Variants in SERPINB2 observed in about 807,000 individuals in gnomAD.
SERPINB2 encodes the protein plasminogen activator inhibitor 2.
Under a neutral mutation model 39.4 loss-of-function variants are expected in SERPINB2, and 28 were observed. That is an observed-to-expected ratio of 0.71 (90% CI 0.53 to 0.97). SERPINB2 has a LOEUF of 0.97. Ranked by LOEUF, SERPINB2 falls within the 50% of genes least tolerant of loss-of-function variation. SERPINB2 has a pLI of 0.00. For synonymous variants in SERPINB2, 209 were observed against 175.1 expected, an observed-to-expected ratio of 1.19 and a Z score of -1.53; for missense variants, 557 against 505.3, an observed-to-expected ratio of 1.10 and a Z score of -0.98.
In SERPINB2 at chr18:63,900,761, C is replaced by T. The variant is rs573188874; in HGVS notation, c.536-979C>T. On this transcript the variant is annotated intron_variant, in intron 5 of 7. Coordinates refer to ENST00000299502, the MANE Select transcript of SERPINB2 (RefSeq NM_002575.3). The stretch of plus-strand genomic sequence containing the variant: ...CCATTTTAGCTAGCCCTCAATTTGG[C>T]CTGGTGTCTAAAACCTGCCTCCAGA... Among the ~76,000 whole-genome samples, 8 of 152,158 alleles carry T rather than the reference C, an allele frequency of 5.3e-5. No individual in the cohort carries two copies. In the South Asian group the frequency reaches 1.7e-3, roughly 32 times the overall value.
chr18:63,902,702 G>A (rs2050000555), intron 7 of SERPINB2, 134 bp downstream of exon 7: 4 of 1,057,406 alleles, frequency 3.8e-6, no homozygotes, highest in Admixed American at 2.6e-5. Context: ...AATATGGCAT[G>A]CCTCTACATT....
chr18:63,900,196 G>A (rs544679120), intron 5 of SERPINB2, among the ~76,000 whole-genome samples: 11 of 152,198 alleles, frequency 7.2e-5, no homozygotes, highest in Non-Finnish European at 1.6e-4. Flanking sequence ...AAGAATTGGA[G>A]AGAATTGTCT....
At chr18:63,897,393 C>T (rs1005022310) in intron 4 of SERPINB2, among the ~76,000 whole-genome samples, 174 bp downstream of exon 4, 9 of 152,194 alleles carry the variant, frequency 5.9e-5, no homozygotes, top group African/African-American at 2.2e-4. Context: ...GGGCTTCCTC[C>T]TCTTCCCATT....
At position 63,903,419 on chromosome 18, in the gene SERPINB2, GAAC is replaced by G. The variant is rs2050007704; in HGVS notation, c.*118_*120del. The G allele has an allele frequency of 2.0e-6, 2 of 1,024,320 alleles. No individual in the cohort carries two copies. The highest frequency in any genetic ancestry group is 3.3e-5 in the African/African-American group (2 of 59,902). The allele number at this position is 1,024,320 out of a possible 1,614,324, so 63.5% of individuals were successfully genotyped here. A position where few individuals can be genotyped will look rare whatever the true frequency, so the allele number is the denominator to read the frequency against. On this transcript the variant is annotated 3_prime_UTR_variant, in exon 8 of 8. Transcript: ENST00000299502. ...GTTTTCTACATATTTCTGCTCTTCT[GAAC>G]AACTTCTGCTACCCACTAAATAAAA...
intron 5 of SERPINB2, among the ~76,000 whole-genome samples, chr18:63,900,799 C>T (rs2049986808): frequency 1.3e-5 from 2 of 152,208 alleles, no homozygotes; most frequent in South Asian, 4.1e-4. Flanking sequence ...CAGGTCCCAC[C>T]TCCTACTTCA....
chr18:63,895,625 T>C (rs1192185518), intron 3 of SERPINB2, among the ~76,000 whole-genome samples: 1 of 152,224 alleles, frequency 6.6e-6, no homozygotes, highest in Non-Finnish European at 1.5e-5. Context: ...CTAAATTCTC[T>C]CATGCCTCTC....
At chr18:63,897,315 G>A in intron 4 of SERPINB2, 96 bp downstream of exon 4, 1 of 1,452,872 alleles carries the variant, frequency 6.9e-7, no homozygotes, top group South Asian at 1.4e-5. Context: ...CATAAAAGCA[G>A]AGTTGGAATT....
At chr18:63,899,795 A>C (rs2144704841) in intron 5 of SERPINB2, among the ~76,000 whole-genome samples, 1 of 152,292 alleles carries the variant, frequency 6.6e-6, no homozygotes, top group Non-Finnish European at 1.5e-5. Context: ...TGTTTCAAGA[A>C]ATAGTTTGGT....
chr18:63,891,544 A>G lies in SERPINB2; in HGVS notation c.100A>G (p.Ser34Gly). The G allele has an allele frequency of 6.2e-7, 1 of 1,614,090 alleles. No individual in the cohort carries two copies. Among genetic ancestry groups the G allele is most frequent in the Non-Finnish European group, 8.5e-7 (1 of 1,179,986 alleles). The stretch of plus-strand genomic sequence containing the variant: ...CCAGAACCTCTTCCTCTCCCCATGG[A>G]GCATCTCGTCCACCATGGCCATGGT... ...PTQNLFLSPW[S>G]ISSTMAMVYM... is the part of the protein sequence containing the mutation. Residue 34 changes from serine to glycine, a missense_variant, in exon 2 of 8, where the codon AGC becomes GGC. Transcript: ENST00000299502.
intron 2 of SERPINB2, among the ~76,000 whole-genome samples, chr18:63,895,021 T>G (rs2049949975): frequency 1.3e-5 from 2 of 152,222 alleles, no homozygotes; most frequent in Admixed American, 6.5e-5. Context: ...ACAATTTGTT[T>G]TCCAAAATGG....
chr18:63,889,317 ATCCAGGAAAATTTGCT>A (rs1194687184), intron 1 of SERPINB2, among the ~76,000 whole-genome samples: 2 of 152,184 alleles, frequency 1.3e-5, no homozygotes, highest in Admixed American at 6.6e-5. Flanking sequence ...AAGTAAATGC[ATCCAGGAAAATTTGCT>A]TCTGTTCTTA....
Position 63,897,242 on chromosome 18 carries a change from A to G in SERPINB2, c.417+23A>G, listed in dbSNP as rs757441518. 5 of 1,604,070 alleles carry G rather than the reference A, an allele frequency of 3.1e-6. No individual in the cohort carries two copies. In the South Asian group the frequency reaches 5.6e-5, roughly 18 times the overall value. The stretch of plus-strand genomic sequence containing the variant: ...GAAGTAAGTGAAACCTGTAATTGAA[A>G]TGGCTGGATCCCAAACAAGTAATGA... On this transcript the variant is annotated intron_variant, in intron 4 of 7. Transcript: ENST00000299502.
chr18:63,893,581 A>T (rs1599058682), intron 2 of SERPINB2, among the ~76,000 whole-genome samples: 1 of 152,212 alleles, frequency 6.6e-6, no homozygotes, highest in Non-Finnish European at 1.5e-5. Flanking sequence ...GACTTTGGGG[A>T]CAGACGTATC....
At chr18:63,897,623 ACC>A in intron 4 of SERPINB2, 102 bp from the exon 5 acceptor site, 1 of 873,832 alleles carries the variant, frequency 1.1e-6, no homozygotes, top group South Asian at 1.4e-5. Flanking sequence ...CTCCCACCCT[ACC>A]CCAGGTCTCC....
rs1193560801 is a variant in SERPINB2 at position 63,903,851 on chromosome 18, G to A, written c.*546G>A. 1.3e-5 allele frequency: 2 copies of A among 152,006 alleles called. No individual in the cohort carries two copies. The highest frequency in any genetic ancestry group is 1.3e-4 in the Admixed American group (2 of 15,250). 9.4% of individuals were successfully genotyped at this position (152,006 alleles called of 1,614,324 possible). A position where few individuals can be genotyped will look rare whatever the true frequency, so the allele number is the denominator to read the frequency against. On this transcript the variant is annotated 3_prime_UTR_variant, in exon 8 of 8. Transcript: ENST00000299502. The stretch of plus-strand genomic sequence containing the variant: ...ATATGTCTGTATCTTATATTCAATT[G>A]CAAGTATATAATAAATAAACCTGCT...
At chr18:63,897,557 CA>C (rs940879769) in intron 4 of SERPINB2, among the ~76,000 whole-genome samples, 169 bp from the exon 5 acceptor site, 5 of 152,118 alleles carry the variant, frequency 3.3e-5, no homozygotes, top group African/African-American at 1.2e-4. Context: ...TAAGCGTGGA[CA>C]AAGGGGTCTG....
In SERPINB2 at chr18:63,902,131, G is replaced by A. The variant is rs377666593; in HGVS notation, c.678+249G>A. ...GGCTGTAAATATTGAGACATGGCAC[G>A]GTTCCTGGCCCATAGTAAGAACTAA... On this transcript the variant is annotated intron_variant, in intron 6 of 7. Transcript: ENST00000299502. Among the ~76,000 whole-genome samples, 16 of 152,038 alleles carry A rather than the reference G, an allele frequency of 1.1e-4. 1 individual carries two copies. Among genetic ancestry groups the A allele is most frequent in the Admixed American group, 7.2e-4 (11 of 15,244 alleles).
chr18:63,903,303 T>A lies in SERPINB2; in HGVS notation c.1246T>A (p.Ter416LysextTer2). 1 of 1,504,462 alleles carries A rather than the reference T, an allele frequency of 6.6e-7. No individual in the cohort carries two copies. The highest frequency in any genetic ancestry group is 2.3e-5 in the East Asian group (1 of 42,764). 93.2% of individuals were successfully genotyped at this position (1,504,462 alleles called of 1,614,324 possible). Residue 416 changes from the stop codon to lysine, a stop_lost, in exon 8 of 8, where the codon TAA becomes AAA. Transcript: ENST00000299502. ...ILFFGRFSSP[*>K] is the part of the protein sequence containing the mutation. ...ATTTTTCGGCAGATTTTCCTCACCC[T>A]AAAACTAAGCGTGCTGCTTCTGCAA...
Position 63,903,272 on chromosome 18 carries a change from C to T in SERPINB2, c.1215C>T (p.Cys405=), listed in dbSNP as rs151239300. ...LFLIMHKITN[C]ILFFGRFSSP ...TTATTATGCATAAGATAACCAACTGCATTTTATTTTTCGGCAGATTTTCCT... is the reference window on the plus strand; with the variant it reads ...TTATTATGCATAAGATAACCAACTGTATTTTATTTTTCGGCAGATTTTCCT... Residue 405 remains cysteine (C), a synonymous_variant, in exon 8 of 8, where the codon TGC becomes TGT. Coordinates refer to ENST00000299502, the MANE Select transcript of SERPINB2 (RefSeq NM_002575.3). 67 of 1,540,786 alleles carry T rather than the reference C, an allele frequency of 4.3e-5. No individual in the cohort carries two copies. In the African/African-American group the frequency reaches 7.9e-4, roughly 18 times the overall value.
Sources: gnomAD v4.1 joint callset for allele counts (sites outside exome capture counted in the v4.1 genomes callset) on GRCh38, gnomAD v4.1.1 for gene constraint, MANE v1.5 for transcripts, NCBI Gene and HGNC (gene_info 2026-07-23, HGNC 2026-07-21) for gene names.